HEXA: variants seen among roughly 807,000 people sequenced by gnomAD.
HEXA encodes the protein beta-hexosaminidase subunit alpha.
In HEXA, 54 loss-of-function variants were observed where a neutral mutation model predicts 73.3. The observed-to-expected ratio is 0.74, with a 90% confidence interval of 0.59 to 0.92. HEXA has a LOEUF of 0.92. Among genes scored for constraint, HEXA ranks in the 40% least tolerant of loss-of-function variants. The probability of loss-of-function intolerance (pLI) is 0.00; values close to 1 mark genes in which losing one functional copy is unlikely to be tolerated. For synonymous variants in HEXA, 230 were observed against 246.9 expected (o/e 0.93, Z 0.64); for missense variants, 649 against 653.0 (o/e 0.99, Z 0.07).
intron 6 of HEXA, 147 bp from the exon 7 acceptor site, chr15:72,350,797 C>A: frequency 1.3e-6 from 1 of 792,898 alleles, no homozygotes. Flanking sequence ...AAAACTTGAT[C>A]ATAATTTCCC....
chr15:72,367,761 G>C (rs1752588355), intron 1 of HEXA, among the ~76,000 whole-genome samples: 2 of 152,184 alleles, frequency 1.3e-5, no homozygotes, highest in South Asian at 4.1e-4. Context: ...CCTTGAATAT[G>C]GCATGAAGGC....
chr15:72,359,719 A>AAAAG (rs2088828831), intron 1 of HEXA: 2 of 144,586 alleles, frequency 1.4e-5, no homozygotes, highest in South Asian at 2.2e-4. Context: ...AAAAAAAAAA[A>AAAAG]GAGTAGTACA....
chr15:72,353,105 C>A lies in HEXA; in HGVS notation c.533G>T (p.Arg178Leu), dbSNP rs28941770. 1.2e-6 allele frequency: 2 copies of A among 1,613,180 alleles called. No individual in the cohort carries two copies. Among genetic ancestry groups the A allele is most frequent in the Admixed American group, 1.7e-5 (1 of 59,982 alleles). ...GATGCTAGAGAGTGGCAGGTAATGGCGAGATGTATCCAACAGCAAGCCCCG... is the reference window on the plus strand; with the variant it reads ...GATGCTAGAGAGTGGCAGGTAATGGAGAGATGTATCCAACAGCAAGCCCCG... ...PHRGLLLDTS[R>L]HYLPLSSILD... Residue 178 changes from arginine to leucine, a missense_variant, in exon 5 of 14, where the codon CGC becomes CTC. By Grantham distance (102) the Arg-to-Leu change is moderately radical. Transcript: ENST00000268097.
Position 72,348,126 on chromosome 15 carries a change from T to A in HEXA, c.995A>T (p.Asn332Ile), listed in dbSNP as rs2140322212. 6.2e-7 allele frequency: 1 copy of A among 1,609,826 alleles called. No individual in the cohort carries two copies. Among genetic ancestry groups the A allele is most frequent in the Non-Finnish European group, 8.5e-7 (1 of 1,176,050 alleles). ...CCTCATAAAGTCCTGGATCTCTGGG[T>A]TGGACTTCCTGAATCCCAAGAGAAA... ...DEVDFTCWKS[N>I]PEIQDFMRKK... is the part of the protein sequence containing the mutation. The change falls in exon 9 of 14, where the codon AAC becomes ATC. Residue 332 changes from asparagine (N) to isoleucine (I), a missense_variant. Coordinates refer to ENST00000268097, the MANE Select transcript of HEXA (RefSeq NM_000520.6).
At position 72,345,486 on chromosome 15, in the gene HEXA, C is replaced by G. The variant is rs891448877; in HGVS notation, c.1486G>C (p.Ala496Pro). The G allele has an allele frequency of 3.7e-6, 6 of 1,614,244 alleles. No homozygotes were observed. Among genetic ancestry groups the G allele is most frequent in the Non-Finnish European group, 5.1e-6 (6 of 1,180,030 alleles). The change falls in exon 13 of 14, where the codon GCC becomes CCC. Residue 496 changes from alanine (A) to proline (P), a missense_variant. Ala to Pro is a conservative substitution (Grantham distance 27). Coordinates refer to ENST00000268097, the MANE Select transcript of HEXA (RefSeq NM_000520.6). ...CGGAAGTGTGACAAACGTTCATAGGCAAATGTCAGGTCAGATGTCAACTTG... is the reference window on the plus strand; with the variant it reads ...CGGAAGTGTGACAAACGTTCATAGGGAAATGTCAGGTCAGATGTCAACTTG... Reference protein sequence around the residue: ...SNKLTSDLTFAYERLSHFRCE... With the variant: ...SNKLTSDLTFPYERLSHFRCE...
At chr15:72,374,874 C>G (rs12904366) in intron 1 of HEXA, among the ~76,000 whole-genome samples, 1 of 151,550 alleles carries the variant, frequency 6.6e-6, no homozygotes, top group African/African-American at 2.4e-5. Context: ...CCCCAGCCCC[C>G]ACTCATCACA....
rs183282852 is a variant in HEXA, at chr15:72,347,647, C to A, written c.1146+39G>T. ...AGGAGCTGGGGAGACCAGAGGGAGG[C>A]ACTGCTGGTGGCTTCTTCTCTTCTC... On this transcript the variant is annotated intron_variant, in intron 10 of 13. Transcript: ENST00000268097. 297 of 1,516,502 alleles carry A rather than the reference C, an allele frequency of 2.0e-4. 1 individual carries two copies. The East Asian group carries it at 6.0e-3, about 31-fold the overall frequency. 93.9% of individuals were successfully genotyped at this position (1,516,502 alleles called of 1,614,324 possible).
At position 72,346,541 on chromosome 15, in the gene HEXA, G is replaced by A. The variant is rs1438534723; in HGVS notation, c.1316C>T (p.Pro439Leu). 2 of 1,613,782 alleles carry A rather than the reference G, an allele frequency of 1.2e-6. No homozygotes were observed. Among genetic ancestry groups the A allele is most frequent in the Non-Finnish European group, 8.5e-7 (1 of 1,179,860 alleles). ...TCTGCTTTCACCTTCAAATGCCAGG[G>A]GTTCCACTATGTAGAAATCCTTCCA... is the stretch of plus-strand genomic sequence containing the variant. ...PDWKDFYIVE[P>L]LAFEGTPEQK... Residue 439 changes from proline to leucine, a missense_variant, in exon 11 of 14, where the codon CCC becomes CTC. Coordinates refer to ENST00000268097, the MANE Select transcript of HEXA (RefSeq NM_000520.6).
At chr15:72,355,453 G>A in intron 3 of HEXA, 106 bp downstream of exon 3, 1 of 815,684 alleles carries the variant, frequency 1.2e-6, no homozygotes, top group South Asian at 1.3e-5. Context: ...TTGAGCCTAG[G>A]AGGCAGAGGT....
chr15:72,360,964 C>T (rs1009882268), intron 1 of HEXA, among the ~76,000 whole-genome samples: 31 of 152,200 alleles, frequency 2.0e-4, no homozygotes, highest in African/African-American at 7.2e-4. Context: ...TAGCTGCTTC[C>T]TTACAACCTA....
intron 5 of HEXA, among the ~76,000 whole-genome samples, chr15:72,352,356 C>G (rs1346548142): frequency 8.6e-5 from 13 of 151,446 alleles, no homozygotes; most frequent in Non-Finnish European, 1.8e-4. Flanking sequence ...AATTCTACCA[C>G]TCTGGCAGGC....
At chr15:72,347,927 A>C in intron 9 of HEXA, 121 bp downstream of exon 9, 1 of 967,714 alleles carries the variant, frequency 1.0e-6, no homozygotes, top group Non-Finnish European at 1.6e-6. Flanking sequence ...GGATGGGACA[A>C]AGGACAAGGG....
intron 1 of HEXA, among the ~76,000 whole-genome samples, chr15:72,371,124 AG>A (rs1485135320): frequency 1.3e-5 from 2 of 152,146 alleles, no homozygotes; most frequent in African/African-American, 4.8e-5. Context: ...TCCCCAGCCC[AG>A]CTGCTTGACC....
intron 2 of HEXA, chr15:72,355,853 T>C (rs576464997): frequency 5.7e-5 from 34 of 595,912 alleles, no homozygotes; most frequent in African/African-American, 4.9e-4. Flanking sequence ...AGACCCTGGA[T>C]GATGATGTAC....
chr15:72,370,476 A>C (rs1407864536), intron 1 of HEXA: 2 of 394,420 alleles, frequency 5.1e-6, no homozygotes, highest in Admixed American at 4.4e-5. Flanking sequence ...GGATCGCTTG[A>C]AGCCAGGGGT....
At chr15:72,349,014 G>C (rs1000313819) in intron 8 of HEXA, 65 bp downstream of exon 8, 2 of 1,348,008 alleles carry the variant, frequency 1.5e-6, no homozygotes, top group African/African-American at 2.9e-5. Context: ...AGCCCCTCGG[G>C]TGCTAACTTC....
chr15:72,355,563 G>C lies in HEXA; in HGVS notation c.408C>G (p.Leu136=). The change falls in exon 3 of 14, where the codon CTC becomes CTG. Residue 136 remains leucine (L), a synonymous_variant. Transcript: ENST00000268097. ...TAATCAGCCCCAATTTGTTACCTCGGAGAGCTCCCCAGACAGTCTCAGAGA... is the reference window on the plus strand; with the variant it reads ...TAATCAGCCCCAATTTGTTACCTCGCAGAGCTCCCCAGACAGTCTCAGAGA... The part of the protein sequence containing the change: ...LLLSETVWGA[L]RGLETFSQLV... 1.2e-6 allele frequency: 2 copies of C among 1,603,604 alleles called. No homozygotes were observed. The highest frequency in any genetic ancestry group is 1.7e-6 in the Non-Finnish European group (2 of 1,170,518).
At chr15:72,347,312 GC>G (rs1277365473) in intron 10 of HEXA, among the ~76,000 whole-genome samples, 1 of 150,648 alleles carries the variant, frequency 6.6e-6, no homozygotes, top group Non-Finnish European at 1.5e-5. Context: ...TCACTCTGTT[GC>G]CCAGGGTTGA....
At chr15:72,365,995 A>G (rs911325056) in intron 1 of HEXA, among the ~76,000 whole-genome samples, 4 of 152,150 alleles carry the variant, frequency 2.6e-5, no homozygotes, top group African/African-American at 7.2e-5. Context: ...TGTGTACTAC[A>G]TATCATTCAC....
Sources: gnomAD v4.1 joint callset for allele counts (sites outside exome capture counted in the v4.1 genomes callset) on GRCh38, gnomAD v4.1.1 for gene constraint, MANE v1.5 for transcripts, NCBI Gene and HGNC (gene_info 2026-07-23, HGNC 2026-07-21) for gene names.